The following DTNB variants were observed in gnomAD, a reference collection of about 807,000 sequenced individuals.
The protein encoded by DTNB is DTN-B.
DTNB carries 63 observed loss-of-function variants against 90.7 expected under a neutral mutation model. That is an observed-to-expected ratio of 0.69 (90% confidence interval 0.57 to 0.86). The LOEUF (loss-of-function observed/expected upper bound fraction) is 0.86. Ranked by LOEUF, DTNB falls within the 40% of genes least tolerant of loss-of-function variation. DTNB has a pLI of 0.00. For synonymous variants in DTNB, 277 were observed against 286.7 expected (o/e 0.97, Z 0.34); for missense variants, 744 against 807.1 (o/e 0.92, Z 0.95).
chr2:25,632,468 G>A lies in DTNB; in HGVS notation c.149-4084C>T, dbSNP rs551648404. On this transcript the variant is annotated intron_variant, in intron 3 of 20. Transcript: ENST00000406818. Reference sequence around the variant, plus strand: ...GTTGAAATGTAATCTAATCCCCAGTGTGGCAGTACTGAGAGGTGGGCTTTA... The same window carrying A: ...GTTGAAATGTAATCTAATCCCCAGTATGGCAGTACTGAGAGGTGGGCTTTA... Among the ~76,000 whole-genome samples the A allele has an allele frequency of 2.0e-5, 3 of 152,294 alleles. No individual in the cohort carries two copies. In the East Asian group the frequency reaches 5.8e-4, roughly 29 times the overall value.
At chr2:25,455,992 A>G (rs1020461584) in intron 10 of DTNB, among the ~76,000 whole-genome samples, 1 of 152,204 alleles carries the variant, frequency 6.6e-6, no homozygotes, top group Non-Finnish European at 1.5e-5. Flanking sequence ...TACTGCCTTT[A>G]GCATCAGTCT....
chr2:25,550,820 T>G (rs773599338), intron 8 of DTNB, among the ~76,000 whole-genome samples: 1 of 152,148 alleles, frequency 6.6e-6, no homozygotes, highest in Non-Finnish European at 1.5e-5. Context: ...CGGCTAATCT[T>G]TGTATTTTTA....
intron 16 of DTNB, among the ~76,000 whole-genome samples, chr2:25,407,052 A>G (rs1294536108): frequency 6.6e-6 from 1 of 152,208 alleles, no homozygotes; most frequent in African/African-American, 2.4e-5. Flanking sequence ...ATGGTTAGCC[A>G]TCTGTGCAGA....
intron 4 of DTNB, among the ~76,000 whole-genome samples, chr2:25,624,425 T>A (rs866263590): frequency 6.6e-6 from 1 of 152,172 alleles, no homozygotes; most frequent in South Asian, 2.1e-4. Flanking sequence ...AGGCATTTAG[T>A]AGAAGCTGCT....
intron 9 of DTNB, among the ~76,000 whole-genome samples, chr2:25,494,493 G>A (rs1427604151): frequency 1.4e-5 from 2 of 146,704 alleles, no homozygotes; most frequent in East Asian, 4.0e-4. Flanking sequence ...GGGGGAGTGC[G>A]GGGGTGGTTG....
chr2:25,519,792 C>A (rs1473167486), intron 9 of DTNB, among the ~76,000 whole-genome samples: 1 of 151,650 alleles, frequency 6.6e-6, no homozygotes, highest in African/African-American at 2.4e-5. Flanking sequence ...CAAACAGGTT[C>A]AGTCTCAGGA....
At chr2:25,453,632 G>A (rs559772299) in intron 11 of DTNB, among the ~76,000 whole-genome samples, 1 of 152,248 alleles carries the variant, frequency 6.6e-6, no homozygotes, top group South Asian at 2.1e-4. Flanking sequence ...TTTTACCATG[G>A]AAACTTTTGC....
At chr2:25,416,215 G>T (rs529953821) in intron 16 of DTNB, among the ~76,000 whole-genome samples, 4 of 152,302 alleles carry the variant, frequency 2.6e-5, no homozygotes, top group East Asian at 3.9e-4. Flanking sequence ...AGTGTTATCT[G>T]GGTAGAAAGA....
rs2064607002 is a variant in DTNB, at chr2:25,596,243, A to G, written c.449-3T>C. ...ATCTGACATCTGGGAGAAAACATCT[A>G]TGAGAACAAAACCAAATAAAGTCAA... On this transcript the variant is annotated splice_region_variant and splice_polypyrimidine_tract_variant and intron_variant, in intron 5 of 20. Transcript: ENST00000406818. 1 of 1,603,524 alleles carries G rather than the reference A, an allele frequency of 6.2e-7. No homozygotes were observed. Among genetic ancestry groups the G allele is most frequent in the African/African-American group, 1.3e-5 (1 of 74,142 alleles).
intron 4 of DTNB, among the ~76,000 whole-genome samples, chr2:25,618,962 T>C (rs1237554622): frequency 6.6e-6 from 1 of 152,238 alleles, no homozygotes; most frequent in Non-Finnish European, 1.5e-5. Flanking sequence ...AACGCTGTTA[T>C]GTTTTAACAT....
Position 25,576,965 on chromosome 2 carries a change from C to T in DTNB, c.749G>A (p.Ser250Asn). ...PVECSYCRCE[S>N]MMGFRYRCQQ... The stretch of plus-strand genomic sequence containing the variant: ...GCATCGGTACCGGAAACCCATCATA[C>T]TCTCACATCGGCAGTAGGAGCACTC... Residue 250 changes from serine (S) to asparagine (N), a missense_variant, in exon 8 of 21, where the codon AGT becomes AAT. Physicochemically the swap from Ser to Asn is conservative, Grantham distance 46. Transcript: ENST00000406818. 1 of 1,611,306 alleles carries T rather than the reference C, an allele frequency of 6.2e-7. No homozygotes were observed. The highest frequency in any genetic ancestry group is 8.5e-7 in the Non-Finnish European group (1 of 1,178,802).
intron 9 of DTNB, among the ~76,000 whole-genome samples, chr2:25,504,816 C>G (rs1434531133): frequency 6.6e-6 from 1 of 152,140 alleles, no homozygotes; most frequent in Non-Finnish European, 1.5e-5. Flanking sequence ...CAGTACAATT[C>G]CTAACAAAAT....
intron 9 of DTNB, among the ~76,000 whole-genome samples, chr2:25,486,280 T>C (rs370404726): frequency 9.3e-4 from 141 of 151,862 alleles, no homozygotes; most frequent in African/African-American, 3.2e-3. Flanking sequence ...CTGGGCAACA[T>C]AGCGAAACCC....
At chr2:25,532,875 T>C (rs536676820) in intron 8 of DTNB, among the ~76,000 whole-genome samples, 9 of 152,350 alleles carry the variant, frequency 5.9e-5, no homozygotes, top group African/African-American at 2.2e-4. Context: ...CTTGTTGTAG[T>C]ATTTTAACAC....
At chr2:25,510,432 T>C (rs1283282151) in intron 9 of DTNB, among the ~76,000 whole-genome samples, 1 of 152,206 alleles carries the variant, frequency 6.6e-6, no homozygotes, top group South Asian at 2.1e-4. Flanking sequence ...CAGCTTATTT[T>C]TTTCTTACGT....
At chr2:25,632,311 T>G (rs1479440430) in intron 3 of DTNB, among the ~76,000 whole-genome samples, 2 of 152,054 alleles carry the variant, frequency 1.3e-5, no homozygotes, top group Non-Finnish European at 2.9e-5. Context: ...GAAATTAAGT[T>G]AGAAATCATA....
intron 8 of DTNB, among the ~76,000 whole-genome samples, chr2:25,536,145 G>A (rs1240791916): frequency 2.0e-5 from 3 of 151,114 alleles, no homozygotes; most frequent in African/African-American, 4.9e-5. Flanking sequence ...CCCAGACGAT[G>A]GGCGGCCACG....
intron 9 of DTNB, among the ~76,000 whole-genome samples, chr2:25,515,572 C>CATGT (rs1278922530): frequency 6.7e-6 from 1 of 150,058 alleles, no homozygotes; most frequent in Non-Finnish European, 1.5e-5. Context: ...GATATCCATG[C>CATGT]ATTTATTTAT....
intron 8 of DTNB, among the ~76,000 whole-genome samples, chr2:25,545,414 T>C (rs1300407778): frequency 6.6e-6 from 1 of 152,188 alleles, no homozygotes; most frequent in Admixed American, 6.5e-5. Context: ...GCAGGGGTTG[T>C]TTTCTGCATA....
Sources: allele counts gnomAD v4.1 joint callset (sites outside exome capture counted in the v4.1 genomes callset), GRCh38; gene constraint gnomAD v4.1.1; transcripts MANE v1.5; gene names NCBI Gene and HGNC (gene_info 2026-07-23, HGNC 2026-07-21).